ABCG2: variants seen among roughly 807,000 people sequenced by gnomAD.
ABCG2 encodes the protein ATP binding cassette subfamily G member 2 (JR blood group).
Under a neutral mutation model 73.5 loss-of-function variants are expected in ABCG2, and 80 were observed. The ratio of observed to expected loss-of-function variants is 1.09; its 90% CI spans 0.91 to 1.31. ABCG2 has a LOEUF of 1.31. Among genes scored for constraint, ABCG2 ranks in the 50% most tolerant of loss-of-function variants. The pLI, the probability that ABCG2 is intolerant of heterozygous loss-of-function variation, is 0.00. For missense variants in ABCG2, 796 were observed against 786.2 expected (o/e 1.01, Z -0.15); for synonymous variants, 269 against 282.4 (o/e 0.95, Z 0.48).
intron 8 of ABCG2, among the ~76,000 whole-genome samples, chr4:88,114,150 AAAGT>A (rs1293655642): frequency 1.3e-5 from 2 of 152,104 alleles, no homozygotes; most frequent in Non-Finnish European, 2.9e-5. Context: ...AAAAATAAAT[AAAGT>A]AAGTAATAAA....
intron 1 of ABCG2, among the ~76,000 whole-genome samples, chr4:88,211,363 A>ACCCCCCCCCCC (rs34198736): frequency 1.3e-4 from 6 of 47,526 alleles, no homozygotes; most frequent in East Asian, 6.5e-4. Context: ...CCCCTGCCCC[A>ACCCCCCCCCCC]CCCCCCCCCA....
chr4:88,196,263 C>T (rs1183295370), intron 1 of ABCG2, among the ~76,000 whole-genome samples: 2 of 152,150 alleles, frequency 1.3e-5, no homozygotes, highest in Non-Finnish European at 2.9e-5. Context: ...ATTTAACCTT[C>T]CTAATCTACC....
intron 1 of ABCG2, among the ~76,000 whole-genome samples, chr4:88,168,388 G>A (rs1301942963): frequency 2.0e-5 from 3 of 151,996 alleles, no homozygotes; most frequent in African/African-American, 7.3e-5. Flanking sequence ...TCAGGAGGCT[G>A]AGGCAGGAGA....
At chr4:88,177,529 A>C (rs1202677118) in intron 1 of ABCG2, among the ~76,000 whole-genome samples, 1 of 152,212 alleles carries the variant, frequency 6.6e-6, no homozygotes, top group African/African-American at 2.4e-5. Flanking sequence ...ACTGAATTGG[A>C]GCCTCCATCA....
chr4:88,176,047 C>G (rs1284492898), intron 1 of ABCG2, among the ~76,000 whole-genome samples: 1 of 152,130 alleles, frequency 6.6e-6, no homozygotes, highest in Non-Finnish European at 1.5e-5. Flanking sequence ...GAGTTCTCTA[C>G]AGAAAAATGT....
intron 2 of ABCG2, among the ~76,000 whole-genome samples, chr4:88,135,375 A>C (rs544774040): frequency 2.0e-5 from 3 of 152,228 alleles, no homozygotes; most frequent in Non-Finnish European, 2.9e-5. Flanking sequence ...AAACCACTGA[A>C]CATGAACCTG....
At chr4:88,095,815 G>T (rs942520497) in intron 13 of ABCG2, among the ~76,000 whole-genome samples, 1 of 152,150 alleles carries the variant, frequency 6.6e-6, no homozygotes, top group Non-Finnish European at 1.5e-5. Context: ...GTCATTTACG[G>T]TTTTAAAGGA....
At chr4:88,164,313 C>T (rs560979989), upstream of ABCG2, among the ~76,000 whole-genome samples, 20 of 152,316 alleles carry the variant, frequency 1.3e-4, no homozygotes, top group Non-Finnish European at 2.5e-4. Flanking sequence ...TGATCCACCA[C>T]CTCGGCCTCC....
In ABCG2 at chr4:88,213,978, C is replaced by A. The variant is rs6836710; in HGVS notation, c.-20+17016G>T. 2.8e-3 allele frequency among the ~76,000 whole-genome samples: 362 copies of A among 129,692 alleles called. 3 individuals carry two copies. The highest frequency in any genetic ancestry group is 9.3e-3 in the African/African-American group (325 of 34,798). 85.1% of individuals were successfully genotyped at this position (129,692 alleles called of 152,430 possible). A position where few individuals can be genotyped will look rare whatever the true frequency, so the allele number is the denominator to read the frequency against. On this transcript the variant is annotated intron_variant, in intron 1 of 15. Coordinates refer to the ABCG2 transcript ENST00000515655. ...GATTACAGCCATGAGCCACCACGCC[C>A]GGCCTTTTTTTTTTTTTTTTTTTTT...
At position 88,113,484 on chromosome 4, in the gene ABCG2, T is replaced by C. The variant is rs375614665; in HGVS notation, c.1013A>G (p.Asn338Ser). The C allele has an allele frequency of 3.1e-6, 5 of 1,613,876 alleles. No homozygotes were observed. In the African/African-American group the frequency reaches 5.3e-5, roughly 17 times the overall value. ...TTTTGTCTCTTTGTAGAAGGAGGAGTTGACATAAATCTCCGCTAATTTTTC... is the reference window on the plus strand; with the variant it reads ...TTTTGTCTCTTTGTAGAAGGAGGAGCTGACATAAATCTCCGCTAATTTTTC... ...LIEKLAEIYVNSSFYKETKAE... is the reference protein window; with the variant it reads ...LIEKLAEIYVSSSFYKETKAE... Residue 338 changes from asparagine to serine, a missense_variant, in exon 9 of 16, where the codon AAC (asparagine) becomes AGC (serine). Transcript: ENST00000237612.
At chr4:88,208,480 T>C (rs1427818205) in intron 1 of ABCG2, among the ~76,000 whole-genome samples, 1 of 152,220 alleles carries the variant, frequency 6.6e-6, no homozygotes, top group Non-Finnish European at 1.5e-5. Context: ...CCAAGGTTTT[T>C]AGGAGGGCTG....
chr4:88,110,667 C>T (rs903331267), intron 9 of ABCG2, among the ~76,000 whole-genome samples: 13 of 152,142 alleles, frequency 8.5e-5, no homozygotes, highest in African/African-American at 3.1e-4. Flanking sequence ...ATCTAGCCAG[C>T]CTTTCGTTTA....
At chr4:88,216,324 CAG>C (rs921916970) in intron 1 of ABCG2, among the ~76,000 whole-genome samples, 4 of 152,142 alleles carry the variant, frequency 2.6e-5, no homozygotes, top group African/African-American at 9.7e-5. Context: ...GGAATGGACA[CAG>C]AGGGTGGGAA....
intron 1 of ABCG2, among the ~76,000 whole-genome samples, chr4:88,225,034 T>C (rs762106591): frequency 6.6e-6 from 1 of 152,234 alleles, no homozygotes; most frequent in Non-Finnish European, 1.5e-5. Context: ...TTCTATTCCA[T>C]TGATCTGGAT....
intron 2 of ABCG2, among the ~76,000 whole-genome samples, chr4:88,139,308 C>G (rs1292684641): frequency 6.6e-6 from 1 of 152,142 alleles, no homozygotes; most frequent in African/African-American, 2.4e-5. Context: ...CCTATTTGTA[C>G]AGTGGGACAA....
At chr4:88,208,375 T>C (rs1729460519) in intron 1 of ABCG2, among the ~76,000 whole-genome samples, 1 of 152,180 alleles carries the variant, frequency 6.6e-6, no homozygotes, top group African/African-American at 2.4e-5. Context: ...CGCCTTCCCA[T>C]GAAGGGCCAC....
intron 1 of ABCG2, among the ~76,000 whole-genome samples, chr4:88,224,707 A>T (rs770319972): frequency 4.6e-5 from 7 of 152,076 alleles, no homozygotes; most frequent in Non-Finnish European, 8.8e-5. Context: ...TTTAATTTTG[A>T]TGAAGTCCAA....
intron 9 of ABCG2, 106 bp downstream of exon 9, chr4:88,113,192 GAAGAT>G: frequency 7.3e-7 from 1 of 1,373,614 alleles, no homozygotes; most frequent in South Asian, 1.4e-5. Flanking sequence ...CAGGTGGAGT[GAAGAT>G]AACAAATAAT....
intron 6 of ABCG2, among the ~76,000 whole-genome samples, chr4:88,120,961 G>A (rs1482482875): frequency 6.6e-6 from 1 of 152,106 alleles, no homozygotes; most frequent in African/African-American, 2.4e-5. Context: ...ACAATACACA[G>A]GTGGAAGAAG....
Sources: allele counts gnomAD v4.1 joint callset (sites outside exome capture counted in the v4.1 genomes callset), GRCh38; gene constraint gnomAD v4.1.1; transcripts MANE v1.5; gene names NCBI Gene and HGNC (gene_info 2026-07-23, HGNC 2026-07-21).